The following CAMK2B variants were observed in gnomAD, a reference collection of about 807,000 sequenced individuals.
CAMK2B encodes calcium/calmodulin-dependent protein kinase type II subunit beta.
Under a neutral mutation model 93.7 loss-of-function variants are expected in CAMK2B, and 27 were observed. That is an observed-to-expected ratio of 0.29 (90% CI 0.21 to 0.40). The LOEUF is 0.40. CAMK2B is among the 10% of genes least tolerant of loss of function. CAMK2B has a pLI of 1.00. For missense variants in CAMK2B, 568 were observed against 895.8 expected (o/e 0.63, Z 4.67); for synonymous variants, 374 against 358.8 (o/e 1.04, Z -0.48).
chr7:44,244,922 A>G, intron 6 of CAMK2B: 1 of 455,976 alleles, frequency 2.2e-6, no homozygotes, highest in Non-Finnish European at 4.4e-6. Flanking sequence ...GCTGGGGCAC[A>G]CGCATCCGTG....
chr7:44,237,517 GCTTGTGCACGC>G (rs2096637457), intron 13 of CAMK2B, among the ~76,000 whole-genome samples: 1 of 152,158 alleles, frequency 6.6e-6, no homozygotes, highest in Non-Finnish European at 1.5e-5. Flanking sequence ...TAAAACAATC[GCTTGTGCACGC>G]CTTGGGCGCA....
intron 17 of CAMK2B, 121 bp downstream of exon 17, chr7:44,230,885 C>G: frequency 1.2e-6 from 1 of 817,432 alleles, no homozygotes; most frequent in South Asian, 1.7e-5. Context: ...CCCTGAGCCC[C>G]TCAACACATG....
At chr7:44,306,651 T>A (rs1791600262) in intron 1 of CAMK2B, among the ~76,000 whole-genome samples, 1 of 152,164 alleles carries the variant, frequency 6.6e-6, no homozygotes, top group Non-Finnish European at 1.5e-5. Flanking sequence ...ATGTGGTGGA[T>A]TATGCAGATA....
intron 1 of CAMK2B, among the ~76,000 whole-genome samples, chr7:44,317,511 G>A (rs778421965): frequency 3.9e-5 from 6 of 152,116 alleles, no homozygotes; most frequent in African/African-American, 4.8e-5. Flanking sequence ...TCTAACTCCT[G>A]GGCTCAAGTG....
chr7:44,291,293 G>A (rs1004942950), intron 1 of CAMK2B, among the ~76,000 whole-genome samples: 1 of 152,118 alleles, frequency 6.6e-6, no homozygotes, highest in South Asian at 2.1e-4. Flanking sequence ...CAGGTGCCCC[G>A]CCAGGCAGGA....
chr7:44,238,406 C>T (rs889504838), intron 13 of CAMK2B, among the ~76,000 whole-genome samples: 1 of 152,186 alleles, frequency 6.6e-6, no homozygotes, highest in African/African-American at 2.4e-5. Context: ...CAGTGCCTCC[C>T]CAGAAGCCAC....
intron 1 of CAMK2B, among the ~76,000 whole-genome samples, chr7:44,321,203 A>T (rs1795983995): frequency 6.6e-6 from 1 of 152,188 alleles, no homozygotes; most frequent in African/African-American, 2.4e-5. Context: ...ATTCGCTCTG[A>T]ATTTCCTAAG....
At position 44,225,612 on chromosome 7, in the gene CAMK2B, GC is replaced by G. The variant is rs1261093412; in HGVS notation, c.1597+903del. On this transcript the variant is annotated intron_variant, in intron 20 of 23. Transcript: ENST00000395749. This position sits in a 1 kb window ranked among gnomAD's most constrained non-coding sequence, Gnocchi z 5.0. ...CAGGGTGGATCCAGTGCCCCTTTGA[GC>G]CTGCAGCCTGCATCCCCCTCCTCGA... Among the ~76,000 whole-genome samples the G allele has an allele frequency of 2.0e-5, 3 of 151,988 alleles. No individual in the cohort carries two copies. Among genetic ancestry groups the G allele is most frequent in the Non-Finnish European group, 4.4e-5 (3 of 67,964 alleles).
intron 5 of CAMK2B, among the ~76,000 whole-genome samples, chr7:44,252,019 C>T (rs1030436997): frequency 6.6e-6 from 1 of 152,184 alleles, no homozygotes; most frequent in African/African-American, 2.4e-5. Flanking sequence ...GCCAGGCACC[C>T]CAGGGCCCGC....
chr7:44,297,611 C>T (rs1167897431), intron 1 of CAMK2B, among the ~76,000 whole-genome samples: 1 of 151,930 alleles, frequency 6.6e-6, no homozygotes, highest in Non-Finnish European at 1.5e-5. Flanking sequence ...CCTATTTAAA[C>T]ATGAAGACAC....
chr7:44,325,914 C>T (rs1797422573), upstream of CAMK2B: 1 of 148,156 alleles, frequency 6.7e-6, no homozygotes, highest in African/African-American at 2.5e-5. Flanking sequence ...CCTTCATCCT[C>T]TACCCGCACC....
chr7:44,243,102 C>A (rs982039073), intron 8 of CAMK2B, 148 bp downstream of exon 8: 24 of 652,414 alleles, frequency 3.7e-5, no homozygotes, highest in East Asian at 5.5e-5. Context: ...TGTGGGCAGA[C>A]CCCTGCCAGG....
chr7:44,228,383 C>G (rs939928645), intron 19 of CAMK2B, among the ~76,000 whole-genome samples: 1 of 152,098 alleles, frequency 6.6e-6, no homozygotes, highest in Non-Finnish European at 1.5e-5. Context: ...CAGGGTGGCC[C>G]TGAGTGCAGC....
chr7:44,325,436 GGCTCGGCGTGC>G lies in CAMK2B; in HGVS notation c.-26_-16del, dbSNP rs1279970528. On this transcript the variant is annotated 5_prime_UTR_variant, in exon 1 of 24. Coordinates refer to ENST00000395749, the MANE Select transcript of CAMK2B (RefSeq NM_001220.5). ...GTGGTGGCCATGGCGGCGGCGGACG[GGCTCGGCGTGC>G]GCTCGGCTGCGCTCGGGCGGCGGCG... The G allele has an allele frequency of 1.8e-6, 2 of 1,117,808 alleles. No individual in the cohort carries two copies. Among genetic ancestry groups the G allele is most frequent in the Admixed American group, 3.7e-5 (1 of 26,680 alleles). 69.2% of individuals were successfully genotyped at this position (1,117,808 alleles called of 1,614,324 possible). A position where few individuals can be genotyped will look rare whatever the true frequency, so the allele number is the denominator to read the frequency against.
chr7:44,293,081 C>T (rs947029288), intron 1 of CAMK2B, among the ~76,000 whole-genome samples: 5 of 152,172 alleles, frequency 3.3e-5, no homozygotes, highest in South Asian at 2.1e-4. Context: ...CTGGGGACCA[C>T]GTGCCCCTCC....
At chr7:44,242,179 G>A (rs754653587) in intron 10 of CAMK2B, 39 bp downstream of exon 10, 3 of 1,594,128 alleles carry the variant, frequency 1.9e-6, no homozygotes, top group Non-Finnish European at 2.6e-6. Flanking sequence ...ATCTCCACCA[G>A]GAGCCCCCTC....
Position 44,286,446 on chromosome 7 carries a change from C to T in CAMK2B, c.66-2221G>A, listed in dbSNP as rs1307427751. 1.3e-5 allele frequency among the ~76,000 whole-genome samples: 2 copies of T among 152,156 alleles called. No homozygotes were observed. Among genetic ancestry groups the T allele is most frequent in the Admixed American group, 6.5e-5 (1 of 15,286 alleles). On this transcript the variant is annotated intron_variant, in intron 1 of 23. Transcript: ENST00000395749. This position sits in a 1 kb window ranked among gnomAD's most constrained non-coding sequence, Gnocchi z 4.0. Reference sequence around the variant, plus strand: ...CCAAGCTGATGATGCCCGTATGGCACCGCTGTGTCGAGCCCGTCCCCGGAG... The same window carrying T: ...CCAAGCTGATGATGCCCGTATGGCATCGCTGTGTCGAGCCCGTCCCCGGAG...
chr7:44,221,766 T>C (rs2096410708), intron 20 of CAMK2B, among the ~76,000 whole-genome samples: 1 of 152,224 alleles, frequency 6.6e-6, no homozygotes, highest in Non-Finnish European at 1.5e-5. Flanking sequence ...TGGTCCTCAC[T>C]GGCCTCCGGG....
chr7:44,288,837 G>A (rs1785887039), intron 1 of CAMK2B, among the ~76,000 whole-genome samples: 1 of 152,088 alleles, frequency 6.6e-6, no homozygotes, highest in Non-Finnish European at 1.5e-5. Context: ...TCATTGCAGG[G>A]GGGCTCAGGC....
Sources: gnomAD v4.1 joint callset for allele counts (sites outside exome capture counted in the v4.1 genomes callset) on GRCh38, gnomAD v4.1.1 for gene constraint, Gnocchi (gnomAD v3.1) non-coding constraint, MANE v1.5 for transcripts, NCBI Gene and HGNC (gene_info 2026-07-23, HGNC 2026-07-21) for gene names.